CDH2: variants seen among roughly 807,000 people sequenced by gnomAD.
CDH2 encodes cadherin-2.
Under a neutral mutation model 92.0 loss-of-function variants are expected in CDH2, and 17 were observed. The observed-to-expected ratio is 0.18, with a 90% CI of 0.13 to 0.28. CDH2 has a LOEUF of 0.28. CDH2 is among the 10% of genes least tolerant of loss of function. The probability of loss-of-function intolerance (pLI) is 1.00; values close to 1 mark genes in which losing one functional copy is unlikely to be tolerated. For synonymous variants in CDH2, 419 were observed against 415.9 expected (o/e 1.01, Z -0.09); for missense variants, 862 against 1,133.1 (o/e 0.76, Z 3.44).
chr18:28,003,062 T>C lies in CDH2; in HGVS notation c.955A>G (p.Asn319Asp). Residue 319 changes from asparagine to aspartate, a missense_variant, in exon 7 of 16, where the codon AAC becomes GAC. This residue lies in a region of CDH2 where 564 missense variants were observed against 722.2 expected (regional missense o/e 0.78). Coordinates refer to ENST00000269141, the MANE Select transcript of CDH2 (RefSeq NM_001792.5). ...VSQAPSTPSP[N>D]MFTINNETGD... Reference sequence around the variant, plus strand: ...GTCTCATTGTTGATTGTAAACATGTTGGGTGAAGGGGTGCTTGGAGCCTGA... The same window carrying C: ...GTCTCATTGTTGATTGTAAACATGTCGGGTGAAGGGGTGCTTGGAGCCTGA... 1 of 1,614,070 alleles carries C rather than the reference T, an allele frequency of 6.2e-7. No homozygotes were observed. The highest frequency in any genetic ancestry group is 8.5e-7 in the Non-Finnish European group (1 of 1,179,974).
chr18:27,985,316 A>G, intron 12 of CDH2, 83 bp from the exon 13 acceptor site: 2 of 863,938 alleles, frequency 2.3e-6, no homozygotes, highest in South Asian at 3.2e-5. Flanking sequence ...GGATGTATTT[A>G]CTACCTAATA....
At chr18:28,159,862 G>A (rs983106830) in intron 1 of CDH2, among the ~76,000 whole-genome samples, 3 of 152,134 alleles carry the variant, frequency 2.0e-5, no homozygotes, top group East Asian at 3.9e-4. Flanking sequence ...TCGCCATGTT[G>A]GCCAGGCTGG....
intron 6 of CDH2, among the ~76,000 whole-genome samples, chr18:28,004,507 G>A (rs1214880978): frequency 6.6e-6 from 1 of 151,994 alleles, no homozygotes; most frequent in Non-Finnish European, 1.5e-5. Flanking sequence ...ATTTATGGGT[G>A]GCTCATATGG....
intron 2 of CDH2, among the ~76,000 whole-genome samples, chr18:28,044,104 G>A (rs2014021373): frequency 6.6e-6 from 1 of 151,766 alleles, no homozygotes; most frequent in Non-Finnish European, 1.5e-5. Context: ...GTAGAGATAG[G>A]TTTTCACCAT....
intron 2 of CDH2, among the ~76,000 whole-genome samples, chr18:28,111,677 C>T (rs2015415580): frequency 6.6e-6 from 1 of 152,122 alleles, no homozygotes; most frequent in African/African-American, 2.4e-5. Context: ...TGTCAGAGTG[C>T]CAAATTTTGC....
rs147375006 is a variant in CDH2 at position 28,101,112 on chromosome 18, C to T, written c.172+46561G>A. On this transcript the variant is annotated intron_variant, in intron 2 of 15. Transcript: ENST00000269141. ...TCCAGTATACACGATGATTTAAACA[C>T]GTAAAACATAAAATTTTACCTTTAA... 2.6e-3 allele frequency among the ~76,000 whole-genome samples: 394 copies of T among 152,248 alleles called. 2 individuals carry two copies. Among genetic ancestry groups the T allele is most frequent in the Non-Finnish European group, 4.0e-3 (275 of 68,014 alleles).
intron 2 of CDH2, chr18:28,097,354 G>A (rs984309831): frequency 7.4e-6 from 1 of 134,680 alleles, no homozygotes; most frequent in African/African-American, 2.9e-5. Context: ...ATACAGCTAT[G>A]GAGTTTTGTT....
chr18:28,124,007 A>G (rs2015634381), intron 2 of CDH2, among the ~76,000 whole-genome samples: 2 of 152,196 alleles, frequency 1.3e-5, no homozygotes, highest in Non-Finnish European at 2.9e-5. Flanking sequence ...GTAACAAGTG[A>G]AAGGTAAAAC....
chr18:28,108,776 TA>T (rs566385594), intron 2 of CDH2, among the ~76,000 whole-genome samples: 7,498 of 137,180 alleles, frequency 0.055, 187 homozygotes, highest in South Asian at 0.09. Flanking sequence ...TAGATGTACC[TA>T]AAAAAAAAAA....
intron 6 of CDH2, among the ~76,000 whole-genome samples, chr18:27,938,341 T>A (rs2143831501): frequency 6.6e-6 from 1 of 152,306 alleles, no homozygotes; most frequent in Non-Finnish European, 1.5e-5. Context: ...TTATACAGCA[T>A]ACCTTTTGAA....
chr18:27,975,363 G>A (rs1031416898), intron 14 of CDH2, among the ~76,000 whole-genome samples: 2 of 152,192 alleles, frequency 1.3e-5, no homozygotes, highest in Non-Finnish European at 2.9e-5. Context: ...AGTTAACTCT[G>A]CCTGACAGAA....
At chr18:28,041,219 G>T (rs906177659) in intron 2 of CDH2, among the ~76,000 whole-genome samples, 1 of 152,152 alleles carries the variant, frequency 6.6e-6, no homozygotes, top group Non-Finnish European at 1.5e-5. Context: ...TTTATCATTT[G>T]ATACATTCTT....
chr18:28,023,968 A>T (rs2013480584), intron 2 of CDH2, among the ~76,000 whole-genome samples: 1 of 152,122 alleles, frequency 6.6e-6, no homozygotes, highest in South Asian at 2.1e-4. Flanking sequence ...TCCATATAAC[A>T]GGGAAGCACT....
At chr18:28,030,826 A>G (rs1483304767) in intron 2 of CDH2, among the ~76,000 whole-genome samples, 1 of 152,022 alleles carries the variant, frequency 6.6e-6, no homozygotes, top group East Asian at 1.9e-4. Flanking sequence ...TGCTTAAGAA[A>G]GCCAACAAAA....
chr18:28,136,771 T>C (rs142929813), intron 2 of CDH2, among the ~76,000 whole-genome samples: 40 of 152,280 alleles, frequency 2.6e-4, no homozygotes, highest in African/African-American at 8.9e-4. Flanking sequence ...TGTATTTCTG[T>C]TGTGGAAATA....
intron 2 of CDH2, among the ~76,000 whole-genome samples, chr18:28,143,905 C>T (rs967771607): frequency 6.6e-6 from 1 of 151,936 alleles, no homozygotes; most frequent in Admixed American, 6.6e-5. Context: ...GAAAAGAAAA[C>T]CAAACACTGA....
chr18:27,985,858 T>G, intron 11 of CDH2, 97 bp from the exon 12 acceptor site: 1 of 718,456 alleles, frequency 1.4e-6, no homozygotes, highest in Non-Finnish European at 2.3e-6. Context: ...TTCTGGCCCT[T>G]TTAACTGTGT....
intron 2 of CDH2, among the ~76,000 whole-genome samples, chr18:28,102,698 A>G (rs1343823029): frequency 6.6e-6 from 1 of 152,060 alleles, no homozygotes; most frequent in Non-Finnish European, 1.5e-5. Flanking sequence ...TGTGGCTTGG[A>G]GCAAATTATT....
intron 2 of CDH2, among the ~76,000 whole-genome samples, chr18:28,072,410 C>T (rs1279731719): frequency 2.0e-5 from 3 of 152,164 alleles, no homozygotes; most frequent in East Asian, 3.9e-4. Context: ...CTCCTATCCC[C>T]TTCGACAGGC....
Sources: allele counts gnomAD v4.1 joint callset (sites outside exome capture counted in the v4.1 genomes callset), GRCh38; gene constraint gnomAD v4.1.1; regional missense constraint gnomAD v4.1.1; transcripts MANE v1.5; gene names NCBI Gene and HGNC (gene_info 2026-07-23, HGNC 2026-07-21).